Variants in TIPIN observed in about 807,000 individuals in gnomAD.
TIPIN encodes the protein TIMELESS interacting protein.
TIPIN carries 29 observed loss-of-function variants against 35.6 expected under a neutral mutation model. The ratio of observed to expected loss-of-function variants is 0.82; its 90% confidence interval spans 0.61 to 1.11. TIPIN has a LOEUF of 1.11. Ranked by LOEUF, TIPIN falls within the 50% of genes most tolerant of loss-of-function variation. TIPIN has a pLI of 0.00. For synonymous variants in TIPIN, 102 were observed against 121.5 expected, an observed-to-expected ratio of 0.84 and a Z score of 1.06; for missense variants, 296 against 345.4, an observed-to-expected ratio of 0.86 and a Z score of 1.13.
chr15:66,384,636 G>A (rs62011758), intron 1 of TIPIN, among the ~76,000 whole-genome samples: 39,160 of 151,912 alleles, frequency 0.26, 5,660 homozygotes, highest in South Asian at 0.32. Flanking sequence ...GTTCAGGCCG[G>A]GCGCAGTGGC....
chr15:66,344,736 G>A (rs2093112211), intron 6 of TIPIN, among the ~76,000 whole-genome samples: 1 of 151,848 alleles, frequency 6.6e-6, no homozygotes, highest in African/African-American at 2.4e-5. Flanking sequence ...CAGGCAGGTG[G>A]TGCATGCCTG....
chr15:66,348,232 T>C (rs148558967), intron 6 of TIPIN: 1 of 152,058 alleles, frequency 6.6e-6, no homozygotes, highest in Non-Finnish European at 1.5e-5. Context: ...TCTCCAACTC[T>C]AGGATTCAAG....
chr15:66,346,216 A>G (rs12913884), intron 6 of TIPIN, among the ~76,000 whole-genome samples: 149,492 of 151,482 alleles, frequency 0.99, 73,789 homozygotes, highest in East Asian at 1. Context: ...CCAAAGTGCT[A>G]GGATTACAAG....
chr15:66,370,504 G>A (rs1239116456), intron 1 of TIPIN, among the ~76,000 whole-genome samples: 3 of 151,948 alleles, frequency 2.0e-5, no homozygotes, highest in Non-Finnish European at 4.4e-5. Context: ...GCAGGGGCAT[G>A]GGGCGGGGTG....
intron 1 of TIPIN, chr15:66,382,916 T>G (rs901608865): frequency 1.0e-6 from 1 of 985,044 alleles, no homozygotes; most frequent in African/African-American, 1.7e-5. Context: ...TCAGGAAAAG[T>G]TGACAGAACC....
intron 1 of TIPIN, among the ~76,000 whole-genome samples, chr15:66,369,420 C>T (rs2093269772): frequency 7.4e-6 from 1 of 134,236 alleles, no homozygotes; most frequent in East Asian, 2.4e-4. Flanking sequence ...GCCATCTTGG[C>T]TCACTGCAAG....
chr15:66,348,949 C>T (rs2093147726), intron 6 of TIPIN, 111 bp downstream of exon 6: 2 of 814,994 alleles, frequency 2.5e-6, no homozygotes, highest in Admixed American at 2.6e-5. Context: ...TGTCCCTAAA[C>T]ATGAAACAAA....
At chr15:66,356,717 T>C (rs995954042), upstream of TIPIN, 1 of 985,186 alleles carries the variant, frequency 1.0e-6, no homozygotes. Flanking sequence ...CGGGAACTCC[T>C]GGGGCGAGAA....
chr15:66,342,186 C>CAAAAAAAAAAAA (rs55711983), intron 6 of TIPIN, among the ~76,000 whole-genome samples: 23 of 108,506 alleles, frequency 2.1e-4, no homozygotes, highest in East Asian at 1.2e-3. Context: ...AAGACTGTCT[C>CAAAAAAAAAAAA]AAAAAAAAAA....
chr15:66,352,233 A>T, intron 2 of TIPIN, 26 bp from the exon 3 acceptor site: 1 of 1,484,508 alleles, frequency 6.7e-7, no homozygotes, highest in Non-Finnish European at 9.3e-7. Flanking sequence ...ACGATTCAGT[A>T]TTACTGTACT....
At chr15:66,365,932 A>G (rs1043801326) in intron 1 of TIPIN, among the ~76,000 whole-genome samples, 1 of 152,034 alleles carries the variant, frequency 6.6e-6, no homozygotes, top group Non-Finnish European at 1.5e-5. Flanking sequence ...TCCTTCTTGC[A>G]CAAGATCCAA....
intron 1 of TIPIN, among the ~76,000 whole-genome samples, chr15:66,354,382 CA>C (rs1273823285): frequency 6.6e-6 from 1 of 152,204 alleles, no homozygotes; most frequent in Non-Finnish European, 1.5e-5. Context: ...CCCTATCCCA[CA>C]GATCCTGCCC....
intron 1 of TIPIN, among the ~76,000 whole-genome samples, chr15:66,381,900 C>G (rs187898796): frequency 6.6e-6 from 1 of 152,204 alleles, no homozygotes; most frequent in African/African-American, 2.4e-5. Flanking sequence ...CCTGTCTCTA[C>G]TAAAAATACA....
rs1246701116 is a variant in TIPIN, at chr15:66,379,773, A to G, written c.-9+6834T>C. ...CAGAGCCTCTTTTTTTTTCTTTCCA[A>G]GAAGACTGAGTTCTACATTGATGTG... On this transcript the variant is annotated intron_variant, in intron 1 of 7. Transcript: ENST00000562124. 1.7e-5 allele frequency: 27 copies of G among 1,603,840 alleles called. No homozygotes were observed. In the East Asian group the frequency reaches 5.6e-4, roughly 33 times the overall value.
chr15:66,357,143 T>C (rs1293295632), upstream of TIPIN, among the ~76,000 whole-genome samples: 1 of 152,088 alleles, frequency 6.6e-6, no homozygotes, highest in Non-Finnish European at 1.5e-5. Flanking sequence ...CAGGCTGGTG[T>C]CGAACTCCTT....
At chr15:66,364,348 T>G (rs1036694585) in intron 1 of TIPIN, among the ~76,000 whole-genome samples, 14 of 151,644 alleles carry the variant, frequency 9.2e-5, no homozygotes, top group Admixed American at 2.0e-4. Flanking sequence ...GTATTTTTAC[T>G]AGAGACGGGG....
intron 1 of TIPIN, among the ~76,000 whole-genome samples, chr15:66,378,385 T>C (rs1482631269): frequency 6.6e-6 from 1 of 152,192 alleles, no homozygotes; most frequent in East Asian, 1.9e-4. Flanking sequence ...TCTGCCTTCC[T>C]TGGCCTCCCA....
chr15:66,348,410 G>T (rs1335044130), intron 6 of TIPIN: 1 of 148,038 alleles, frequency 6.8e-6, no homozygotes, highest in Non-Finnish European at 1.5e-5. Context: ...AGTGGCTCAC[G>T]CCTATAATCC....
chr15:66,377,050 G>T (rs1331059580), intron 1 of TIPIN, among the ~76,000 whole-genome samples: 9 of 146,190 alleles, frequency 6.2e-5, no homozygotes, highest in Non-Finnish European at 1.3e-4. Context: ...GGAGGTTGCA[G>T]TGAGCCGAGA....
Sources: gnomAD v4.1 joint callset for allele counts (sites outside exome capture counted in the v4.1 genomes callset) on GRCh38, gnomAD v4.1.1 for gene constraint, MANE v1.5 for transcripts, NCBI Gene and HGNC (gene_info 2026-07-23, HGNC 2026-07-21) for gene names.